LNX2: variants seen among roughly 807,000 people sequenced by gnomAD.
LNX2 encodes ligand of Numb protein X 2.
LNX2 carries 35 observed loss-of-function variants against 66.2 expected under a neutral mutation model. That is an observed-to-expected ratio of 0.53 (90% CI 0.40 to 0.70). LNX2 has a LOEUF of 0.70. Among genes scored for constraint, LNX2 ranks in the 30% least tolerant of loss-of-function variants. The pLI is 0.00. For synonymous variants in LNX2, 337 were observed against 315.6 expected, an observed-to-expected ratio of 1.07 and a Z score of -0.72; for missense variants, 791 against 850.8, an observed-to-expected ratio of 0.93 and a Z score of 0.87.
chr13:27,588,988 A>G (rs1955522511), intron 1 of LNX2, among the ~76,000 whole-genome samples: 1 of 152,198 alleles, frequency 6.6e-6, no homozygotes, highest in South Asian at 2.1e-4. Flanking sequence ...ACTTGTGCCA[A>G]AAAGAGTGAG....
intron 1 of LNX2, among the ~76,000 whole-genome samples, chr13:27,614,341 T>A (rs1593268048): frequency 6.6e-6 from 1 of 152,164 alleles, no homozygotes; most frequent in Non-Finnish European, 1.5e-5. Flanking sequence ...CCTTTTGAGA[T>A]ATCTGTTCAG....
At chr13:27,583,255 T>TGCGTGCGCGCGCGCGCGCGCGCGC (rs1555268513) in intron 1 of LNX2, among the ~76,000 whole-genome samples, 1 of 58,528 alleles carries the variant, frequency 1.7e-5, no homozygotes, top group Admixed American at 1.8e-4. Context: ...TGTGTGTGTG[T>TGCGTGCGCGCGCGCGCGCGCGCGC]GCGCGCGTCC....
rs189689844 is a variant in LNX2, at chr13:27,610,648, T to C, written c.-101+9727A>G. Among the ~76,000 whole-genome samples, 25 of 152,300 alleles carry C rather than the reference T, an allele frequency of 1.6e-4. No homozygotes were observed. In the East Asian group the frequency reaches 4.4e-3, roughly 27 times the overall value. On this transcript the variant is annotated intron_variant, in intron 1 of 9. Transcript: ENST00000316334. ...ACAGGCAAAAATAGACAAATGGGAC[T>C]ACATTAAAATTAAAAACTTTTGCAC...
chr13:27,598,526 C>T (rs1346111060), intron 1 of LNX2, among the ~76,000 whole-genome samples: 2 of 152,090 alleles, frequency 1.3e-5, no homozygotes, highest in African/African-American at 4.8e-5. Flanking sequence ...TTAGAACTTA[C>T]TTTATATCAG....
intron 2 of LNX2, among the ~76,000 whole-genome samples, chr13:27,578,765 C>A (rs754024044): frequency 2.0e-5 from 3 of 152,216 alleles, no homozygotes; most frequent in Non-Finnish European, 4.4e-5. Context: ...AAGAAACCAT[C>A]TTGGAAGTAG....
At chr13:27,571,737 T>C (rs1255464739) in intron 2 of LNX2, among the ~76,000 whole-genome samples, 1 of 152,040 alleles carries the variant, frequency 6.6e-6, no homozygotes, top group Non-Finnish European at 1.5e-5. Flanking sequence ...AGGGAATGAG[T>C]AGATCAGAGC....
chr13:27,569,062 T>TG lies in LNX2; in HGVS notation c.621dup (p.Asn208GlnfsTer5). 6.2e-7 allele frequency: 1 copy of TG among 1,613,790 alleles called. No homozygotes were observed. The highest frequency in any genetic ancestry group is 1.3e-5 in the African/African-American group (1 of 74,994). ...CCAGCGCTCTCCTCAAAGGCAGGGT[T>TG]GTCAAGGCCAGGCTCCTCACTCCAT... On this transcript the variant is annotated frameshift_variant, in exon 3 of 10. Coordinates refer to ENST00000316334, the MANE Select transcript of LNX2 (RefSeq NM_153371.4). LOFTEE classifies it high-confidence loss of function.
intron 1 of LNX2, among the ~76,000 whole-genome samples, chr13:27,600,726 C>T (rs1043459715): frequency 1.3e-5 from 2 of 152,176 alleles, no homozygotes; most frequent in African/African-American, 4.8e-5. Context: ...TTTAGGGGCA[C>T]AGTGTCAGAC....
chr13:27,606,327 G>A (rs1010458049), intron 1 of LNX2, among the ~76,000 whole-genome samples: 4 of 138,306 alleles, frequency 2.9e-5, no homozygotes, highest in African/African-American at 1.1e-4. Context: ...TTTTTATTGT[G>A]TTCAGCATTC....
At chr13:27,550,291 G>A (rs1421591471) in intron 9 of LNX2, 42 bp downstream of exon 9, 2 of 1,563,258 alleles carry the variant, frequency 1.3e-6, no homozygotes, top group South Asian at 1.1e-5. Flanking sequence ...CATGTCCAAT[G>A]TCATCAACAT....
intron 1 of LNX2, among the ~76,000 whole-genome samples, chr13:27,605,618 T>G (rs911890651): frequency 6.6e-6 from 1 of 152,224 alleles, no homozygotes; most frequent in African/African-American, 2.4e-5. Flanking sequence ...GTAACCATAT[T>G]ATCTTGTCCA....
intron 7 of LNX2, among the ~76,000 whole-genome samples, chr13:27,554,968 T>G (rs1263468677): frequency 3.3e-5 from 5 of 152,210 alleles, no homozygotes; most frequent in African/African-American, 1.2e-4. Context: ...TGATTTGTGT[T>G]TGAGACAGGA....
rs546875788 is a variant in LNX2, at chr13:27,547,734, T to A, written c.*601A>T. The stretch of plus-strand genomic sequence containing the variant: ...AGCTGGGCATGGTGGCACACGCCTG[T>A]AGTCCCAGCTACTCGGGAGGCTGAG... On this transcript the variant is annotated 3_prime_UTR_variant, in exon 10 of 10. Coordinates refer to ENST00000316334, the MANE Select transcript of LNX2 (RefSeq NM_153371.4). The A allele has an allele frequency of 6.5e-6, 1 of 152,866 alleles. No homozygotes were observed. The highest frequency in any genetic ancestry group is 2.1e-4 in the South Asian group (1 of 4,840). 9.5% of individuals were successfully genotyped at this position (152,866 alleles called of 1,614,324 possible).
At chr13:27,616,655 C>T (rs6491220) in intron 1 of LNX2, among the ~76,000 whole-genome samples, 95,951 of 152,130 alleles carry the variant, frequency 0.63, 31,145 homozygotes, top group Non-Finnish European at 0.69. Flanking sequence ...CTAGGAAGCA[C>T]ACATTCTAAA....
At chr13:27,605,548 C>T (rs1280733354) in intron 1 of LNX2, among the ~76,000 whole-genome samples, 2 of 151,978 alleles carry the variant, frequency 1.3e-5, no homozygotes, top group East Asian at 3.9e-4. Flanking sequence ...TTCATATAAC[C>T]CTAGTACAGT....
At chr13:27,605,707 A>C (rs1477777915) in intron 1 of LNX2, among the ~76,000 whole-genome samples, 1 of 152,182 alleles carries the variant, frequency 6.6e-6, no homozygotes, top group East Asian at 1.9e-4. Context: ...TACTATGACA[A>C]TTAACTACTG....
In LNX2 at chr13:27,556,237, T is replaced by A. The variant is rs758160698; in HGVS notation, c.1545A>T (p.Arg515Ser). ...AAATTTTTCAAGATCCCATCTTACC[T>A]CTCTTTATTCTGCCATCTCGTGCAA... ...GCLARDGRIKRGDVLLNINGI... is the reference protein window; with the variant it reads ...GCLARDGRIKSGDVLLNINGI... The change falls in exon 7 of 10, where the codon AGA becomes AGT. Residue 515 changes from arginine (R) to serine (S), a missense_variant and splice_region_variant. Arg to Ser is a moderately radical substitution (Grantham distance 110). Coordinates refer to ENST00000316334, the MANE Select transcript of LNX2 (RefSeq NM_153371.4). 6.2e-7 allele frequency: 1 copy of A among 1,612,018 alleles called. No homozygotes were observed. The highest frequency in any genetic ancestry group is 8.5e-7 in the Non-Finnish European group (1 of 1,179,244).
chr13:27,563,794 A>G (rs1955171314), intron 4 of LNX2, among the ~76,000 whole-genome samples: 1 of 152,216 alleles, frequency 6.6e-6, no homozygotes, highest in Non-Finnish European at 1.5e-5. Context: ...TAGGATTGAT[A>G]GTTGTAAATA....
At chr13:27,600,001 T>C (rs1052588606) in intron 1 of LNX2, among the ~76,000 whole-genome samples, 2 of 152,174 alleles carry the variant, frequency 1.3e-5, no homozygotes, top group African/African-American at 2.4e-5. Flanking sequence ...CTTTATCTTG[T>C]TTTCCCCTAT....
Sources: allele counts gnomAD v4.1 joint callset (sites outside exome capture counted in the v4.1 genomes callset), GRCh38; gene constraint gnomAD v4.1.1; transcripts MANE v1.5; gene names NCBI Gene and HGNC (gene_info 2026-07-23, HGNC 2026-07-21).